The following C19orf47 variants were observed in gnomAD, a reference collection of about 807,000 sequenced individuals.
C19orf47 encodes chromosome 19 open reading frame 47.
Under a neutral mutation model 32.3 loss-of-function variants are expected in C19orf47, and 18 were observed. The observed-to-expected ratio is 0.56, with a 90% CI of 0.39 to 0.83. C19orf47 has a LOEUF of 0.83. Ranked by LOEUF, C19orf47 falls within the 40% of genes least tolerant of loss-of-function variation. C19orf47 has a pLI of 0.00. For synonymous variants in C19orf47, 202 were observed against 211.1 expected, an observed-to-expected ratio of 0.96 and a Z score of 0.37; for missense variants, 484 against 531.6, an observed-to-expected ratio of 0.91 and a Z score of 0.88.
chr19:40,321,845 C>G lies in C19orf47; in HGVS notation c.*37G>C. ...GCCTGGGGCGGCCAGGGCAGATGCC[C>G]GCAGGCTCTGCTGCCTGCACCCCGC... On this transcript the variant is annotated 3_prime_UTR_variant, in exon 9 of 9. Coordinates refer to ENST00000683109, the MANE Select transcript of C19orf47 (RefSeq NM_001256441.2). The G allele has an allele frequency of 6.7e-7, 1 of 1,500,562 alleles. No homozygotes were observed. Among genetic ancestry groups the G allele is most frequent in the South Asian group, 1.3e-5 (1 of 74,120 alleles). 93.0% of individuals were successfully genotyped at this position (1,500,562 alleles called of 1,614,324 possible). A position where few individuals can be genotyped will look rare whatever the true frequency, so the allele number is the denominator to read the frequency against.
the C19orf47 span, among the ~76,000 whole-genome samples, chr19:40,294,323 G>A: frequency 1.3e-5 from 2 of 152,188 alleles, no homozygotes; most frequent in Non-Finnish European, 2.9e-5. Flanking sequence ...AGCAAGATAG[G>A]TAAGGGTCTC....
At chr19:40,299,216 A>G in the C19orf47 span, among the ~76,000 whole-genome samples, 11 of 152,172 alleles carry the variant, frequency 7.2e-5, no homozygotes, top group Non-Finnish European at 1.5e-5. Flanking sequence ...TTACAACTAT[A>G]TAACTTTATT....
the C19orf47 span, among the ~76,000 whole-genome samples, chr19:40,312,279 G>A: frequency 6.6e-6 from 1 of 152,022 alleles, no homozygotes; most frequent in African/African-American, 2.4e-5. Context: ...TGGGCATGGT[G>A]GCTCACGCCT....
intron 2 of C19orf47, among the ~76,000 whole-genome samples, chr19:40,340,891 T>C (rs2078163695): frequency 6.8e-6 from 1 of 146,974 alleles, no homozygotes; most frequent in South Asian, 2.2e-4. Flanking sequence ...GATGGGAGGA[T>C]CACCTGAGCC....
At chr19:40,345,613 G>A (rs927213160) in intron 1 of C19orf47, among the ~76,000 whole-genome samples, 46 of 150,846 alleles carry the variant, frequency 3.0e-4, no homozygotes, top group Non-Finnish European at 4.6e-4. Context: ...AGGCTGAGGC[G>A]GGTGGATCAC....
chr19:40,316,441 G>A (rs541980351), downstream of C19orf47, among the ~76,000 whole-genome samples: 2 of 152,182 alleles, frequency 1.3e-5, no homozygotes, highest in Admixed American at 6.5e-5. Flanking sequence ...CTCCTCATCC[G>A]TTTATGGGAT....
chr19:40,329,258 T>C (rs954937443), intron 5 of C19orf47, among the ~76,000 whole-genome samples: 1 of 152,024 alleles, frequency 6.6e-6, no homozygotes, highest in Admixed American at 6.6e-5. Context: ...CTGTAATCCC[T>C]GCACTTTGGG....
chr19:40,336,028 G>T, intron 4 of C19orf47, 82 bp downstream of exon 4: 1 of 1,309,860 alleles, frequency 7.6e-7, no homozygotes, highest in African/African-American at 1.5e-5. Flanking sequence ...TGCCTCTGCT[G>T]CCAGGCCTCC....
At chr19:40,330,260 G>A (rs1054864314) in intron 5 of C19orf47, among the ~76,000 whole-genome samples, 3 of 145,852 alleles carry the variant, frequency 2.1e-5, no homozygotes, top group Non-Finnish European at 3.0e-5. Context: ...ACAGAGTCTC[G>A]CTCTGTCGCC....
At chr19:40,348,455 C>T, upstream of C19orf47, 2 of 1,502,054 alleles carry the variant, frequency 1.3e-6, no homozygotes, top group Non-Finnish European at 8.8e-7. Flanking sequence ...GCTGAACTGA[C>T]TCGTCCGCGG....
intron 2 of C19orf47, 56 bp downstream of exon 2, chr19:40,341,783 T>C: frequency 6.5e-7 from 1 of 1,533,934 alleles, no homozygotes; most frequent in Non-Finnish European, 8.7e-7. Context: ...ACCAAGGCCA[T>C]ACCTCAAAAA....
At chr19:40,330,540 C>CTTT (rs398034615) in intron 5 of C19orf47, among the ~76,000 whole-genome samples, 1,485 of 64,388 alleles carry the variant, frequency 0.023, 82 homozygotes, top group African/African-American at 0.034. Flanking sequence ...ACCCGGCCCT[C>CTTT]TTTTTTTTTT....
chr19:40,336,913 A>G (rs548337397), intron 2 of C19orf47, among the ~76,000 whole-genome samples: 78 of 152,262 alleles, frequency 5.1e-4, no homozygotes, highest in African/African-American at 1.7e-3. Context: ...ACCCGCCACA[A>G]TAGCAAACCT....
the C19orf47 span, among the ~76,000 whole-genome samples, chr19:40,312,313 C>T: frequency 6.6e-6 from 1 of 152,002 alleles, no homozygotes; most frequent in South Asian, 2.1e-4. Flanking sequence ...TTTGGGAGGC[C>T]GAGGCGGTCG....
intron 7 of C19orf47, among the ~76,000 whole-genome samples, chr19:40,325,413 A>G (rs1158506909): frequency 1.3e-5 from 2 of 152,048 alleles, no homozygotes; most frequent in African/African-American, 4.8e-5. Flanking sequence ...AGATCACTTG[A>G]GCTCAGGAGT....
chr19:40,333,339 T>C (rs2077995060), intron 5 of C19orf47, among the ~76,000 whole-genome samples: 1 of 151,750 alleles, frequency 6.6e-6, no homozygotes, highest in African/African-American at 2.4e-5. Context: ...GTTGAAGTGC[T>C]GTCTGGCTTC....
intron 1 of C19orf47, 85 bp from the exon 2 acceptor site, chr19:40,341,975 C>T: frequency 2.6e-6 from 4 of 1,532,100 alleles, no homozygotes; most frequent in Non-Finnish European, 3.5e-6. Flanking sequence ...GTCTGCATGC[C>T]AGAGGAATGT....
Position 40,321,313 on chromosome 19 carries a change from T to C in C19orf47, c.*569A>G, listed in dbSNP as rs1568601591. The C allele has an allele frequency of 5.1e-6, 5 of 985,546 alleles. No individual in the cohort carries two copies. The African/African-American group carries it at 8.8e-5, about 17-fold the overall frequency. The allele number at this position is 985,546 out of a possible 1,614,324, so 61.1% of individuals were successfully genotyped here. On this transcript the variant is annotated 3_prime_UTR_variant, in exon 9 of 9. Coordinates refer to ENST00000683109, the MANE Select transcript of C19orf47 (RefSeq NM_001256441.2). ...GAGGGGGCCGCTGGGAGGCCGGAGG[T>C]ACAGGAGGGTCGGGCAGGACGCAGC...
chr19:40,294,799 G>A, the C19orf47 span, among the ~76,000 whole-genome samples: 10 of 152,314 alleles, frequency 6.6e-5, no homozygotes, highest in South Asian at 4.1e-4. Context: ...AGTGACAAGC[G>A]GCATTCTCTT....
Sources: gnomAD v4.1 joint callset for allele counts (sites outside exome capture counted in the v4.1 genomes callset) on GRCh38, gnomAD v4.1.1 for gene constraint, MANE v1.5 for transcripts, NCBI Gene and HGNC (gene_info 2026-07-23, HGNC 2026-07-21) for gene names.